The following ADGRV1 variants were observed in gnomAD, a reference collection of about 807,000 sequenced individuals.
The protein encoded by ADGRV1 is adhesion G protein-coupled receptor V1.
A neutral mutation model predicts 596.2 loss-of-function variants in ADGRV1; 359 were observed. That is an observed-to-expected ratio of 0.60 (90% CI 0.55 to 0.66). ADGRV1 has a LOEUF of 0.66. ADGRV1 is among the 30% of genes least tolerant of loss of function. ADGRV1 has a pLI of 0.00. For synonymous variants in ADGRV1, 2,681 were observed against 2,679.2 expected, an observed-to-expected ratio of 1.00 and a Z score of -0.02; for missense variants, 7,274 against 7,575.6, an observed-to-expected ratio of 0.96 and a Z score of 1.48.
chr5:90,571,985 A>AT (rs2151957100), intron 1 of ADGRV1, among the ~76,000 whole-genome samples: 1 of 152,154 alleles, frequency 6.6e-6, no homozygotes, highest in South Asian at 2.1e-4. Flanking sequence ...TTTTCTCATT[A>AT]TTTTTATGGA....
At chr5:90,729,020 G>A (rs949843266) in intron 49 of ADGRV1, 87 bp downstream of exon 49, 1 of 952,626 alleles carries the variant, frequency 1.0e-6, no homozygotes. Context: ...AAATGCTCTT[G>A]CAATAATTTT....
chr5:90,737,564 T>G (rs1390253783), intron 50 of ADGRV1, among the ~76,000 whole-genome samples: 2 of 151,994 alleles, frequency 1.3e-5, no homozygotes, highest in African/African-American at 4.8e-5. Flanking sequence ...GCAGTCTATA[T>G]CACCCTTCAG....
chr5:90,580,226 G>A (rs888037828), intron 1 of ADGRV1, among the ~76,000 whole-genome samples: 1 of 152,140 alleles, frequency 6.6e-6, no homozygotes, highest in African/African-American at 2.4e-5. Context: ...TTACAATTTG[G>A]CATGTGATTG....
chr5:91,080,981 CCTGGTG>C (rs1789310925), intron 86 of ADGRV1, among the ~76,000 whole-genome samples: 1 of 152,052 alleles, frequency 6.6e-6, no homozygotes, highest in African/African-American at 2.4e-5. Context: ...CATGATTTTG[CCTGGTG>C]TATTAGCTCA....
intron 87 of ADGRV1, among the ~76,000 whole-genome samples, chr5:91,116,105 G>A (rs1792830491): frequency 6.6e-6 from 1 of 152,048 alleles, no homozygotes; most frequent in South Asian, 2.1e-4. Flanking sequence ...AAAATATAAA[G>A]AGCATGAATT....
chr5:90,917,847 T>G (rs1773520173), intron 83 of ADGRV1, among the ~76,000 whole-genome samples: 1 of 152,180 alleles, frequency 6.6e-6, no homozygotes, highest in Non-Finnish European at 1.5e-5. Context: ...CTGTCATTTG[T>G]ACCATCATCA....
At chr5:90,905,781 G>A (rs75429415) in intron 83 of ADGRV1, among the ~76,000 whole-genome samples, 4,013 of 152,156 alleles carry the variant, frequency 0.026, 167 homozygotes, top group African/African-American at 0.092. Flanking sequence ...AATAATGGTA[G>A]TGAAAGTAGG....
chr5:91,082,247 T>C (rs907389240), intron 86 of ADGRV1, among the ~76,000 whole-genome samples: 2 of 152,246 alleles, frequency 1.3e-5, no homozygotes, highest in East Asian at 3.8e-4. Context: ...TTATCAGTTT[T>C]GTATTCAGGC....
chr5:90,731,723 G>A (rs190189872), intron 50 of ADGRV1, among the ~76,000 whole-genome samples: 1 of 152,190 alleles, frequency 6.6e-6, no homozygotes, highest in Non-Finnish European at 1.5e-5. Flanking sequence ...GCAGGCACAT[G>A]GTGCGCCTGT....
chr5:91,066,293 A>G (rs1286917733), intron 85 of ADGRV1, among the ~76,000 whole-genome samples: 2 of 152,218 alleles, frequency 1.3e-5, no homozygotes, highest in Non-Finnish European at 2.9e-5. Flanking sequence ...TGATATTCAC[A>G]GTTTCCTAAC....
At chr5:90,914,213 T>C (rs1773145324) in intron 83 of ADGRV1, among the ~76,000 whole-genome samples, 1 of 152,190 alleles carries the variant, frequency 6.6e-6, no homozygotes. Flanking sequence ...CCAATGAACA[T>C]GTCCTTTGAG....
chr5:90,821,294 G>T (rs2150286399), intron 75 of ADGRV1, among the ~76,000 whole-genome samples: 1 of 151,004 alleles, frequency 6.6e-6, no homozygotes, highest in East Asian at 1.9e-4. Context: ...TCTCTGTATT[G>T]GTTATTCTAG....
chr5:90,629,650 T>A, intron 9 of ADGRV1, 111 bp downstream of exon 9: 1 of 808,876 alleles, frequency 1.2e-6, no homozygotes, highest in Non-Finnish European at 1.9e-6. Flanking sequence ...CCGTCATTTA[T>A]ATGTTGTTAC....
intron 1 of ADGRV1, among the ~76,000 whole-genome samples, chr5:90,566,052 G>T (rs559781821): frequency 3.3e-5 from 5 of 151,656 alleles, no homozygotes; most frequent in Non-Finnish European, 2.9e-5. Context: ...AGAGTTCTTC[G>T]CATACTCTAG....
At position 90,863,476 on chromosome 5, in the gene ADGRV1, G is replaced by T. The variant is rs76530777; in HGVS notation, c.17756-281G>T. Among the ~76,000 whole-genome samples the T allele has an allele frequency of 5.4e-3, 817 of 152,178 alleles. 20 individuals carry two copies. In the East Asian group the frequency reaches 0.082, roughly 15 times the overall value. ...AACTATTTCTAGTAGATAAAAAAGG[G>T]GTAATTACCAAACCTGAGTTTTGGT... On this transcript the variant is annotated intron_variant, in intron 82 of 89. Coordinates refer to ENST00000405460, the MANE Select transcript of ADGRV1 (RefSeq NM_032119.4).
chr5:90,700,967 A>G (rs944310064), intron 34 of ADGRV1, among the ~76,000 whole-genome samples: 4 of 152,142 alleles, frequency 2.6e-5, no homozygotes, highest in African/African-American at 9.7e-5. Flanking sequence ...TCTTGAAAAT[A>G]AGTGTCTAAA....
At chr5:90,913,105 G>T (rs1053320737) in intron 83 of ADGRV1, among the ~76,000 whole-genome samples, 2 of 152,120 alleles carry the variant, frequency 1.3e-5, no homozygotes, top group African/African-American at 2.4e-5. Flanking sequence ...TTAGCCAGGG[G>T]TTCATTTTTC....
At chr5:90,662,024 G>A (rs1398858138) in intron 21 of ADGRV1, among the ~76,000 whole-genome samples, 3 of 152,052 alleles carry the variant, frequency 2.0e-5, no homozygotes, top group African/African-American at 4.8e-5. Flanking sequence ...CTGGCTAGGG[G>A]AGAGGGGAAG....
chr5:90,782,255 A>T (rs1002162643), intron 65 of ADGRV1, among the ~76,000 whole-genome samples: 2 of 152,294 alleles, frequency 1.3e-5, no homozygotes, highest in Non-Finnish European at 1.5e-5. Flanking sequence ...TTTAAAGTTC[A>T]TAAAAAATTG....
Sources: gnomAD v4.1 joint callset for allele counts (sites outside exome capture counted in the v4.1 genomes callset) on GRCh38, gnomAD v4.1.1 for gene constraint, MANE v1.5 for transcripts, NCBI Gene and HGNC (gene_info 2026-07-23, HGNC 2026-07-21) for gene names.